Variants in PPARGC1B observed in about 807,000 individuals in gnomAD.
The protein encoded by PPARGC1B is peroxisome proliferator-activated receptor gamma coactivator 1-beta.
Under a neutral mutation model 101.6 loss-of-function variants are expected in PPARGC1B, and 34 were observed. The observed-to-expected ratio is 0.33, with a 90% CI of 0.25 to 0.45. PPARGC1B has a LOEUF of 0.45. Ranked by LOEUF, PPARGC1B falls within the 20% of genes least tolerant of loss-of-function variation. The probability of loss-of-function intolerance (pLI) is 1.00; values close to 1 mark genes in which losing one functional copy is unlikely to be tolerated. For missense variants in PPARGC1B, 1,234 were observed against 1,317.6 expected, an observed-to-expected ratio of 0.94 and a Z score of 0.98; for synonymous variants, 548 against 539.3, an observed-to-expected ratio of 1.02 and a Z score of -0.22.
chr5:149,759,756 G>A (rs959848980), intron 1 of PPARGC1B, among the ~76,000 whole-genome samples: 2 of 152,212 alleles, frequency 1.3e-5, no homozygotes, highest in Non-Finnish European at 2.9e-5. Flanking sequence ...GCATGGGGCA[G>A]CTGCAAGGCT....
At position 149,826,740 on chromosome 5, in the gene PPARGC1B, A is replaced by C; in HGVS notation, c.320A>C (p.Asp107Ala). 1 of 1,614,042 alleles carries C rather than the reference A, an allele frequency of 6.2e-7. No homozygotes were observed. ...TKTLDDIPED[D>A]VGLAAFPALD... is the part of the protein sequence containing the mutation. ...ACCCTGGATGACATCCCTGAAGATG[A>C]CGTGGGTCTGGCTGCCTTCCCAGCC... Residue 107 changes from aspartate to alanine, a missense_variant, in exon 3 of 12, where the codon GAC (aspartate) becomes GCC (alanine). This residue lies in a region of PPARGC1B where 734 missense variants were observed against 768.4 expected (regional missense o/e 0.96). Coordinates refer to ENST00000309241, the MANE Select transcript of PPARGC1B (RefSeq NM_133263.4).
At chr5:149,734,230 G>A (rs1397407527) in intron 1 of PPARGC1B, among the ~76,000 whole-genome samples, 2 of 149,778 alleles carry the variant, frequency 1.3e-5, no homozygotes, top group African/African-American at 2.5e-5. Context: ...GCTGAGGCAG[G>A]AGAATCGCTT....
At chr5:149,820,739 G>T in intron 2 of PPARGC1B, 133 bp downstream of exon 2, 4 of 918,872 alleles carry the variant, frequency 4.4e-6, no homozygotes, top group Non-Finnish European at 6.4e-6. Flanking sequence ...AAAGCTGTTG[G>T]GCCCCGGTTT....
chr5:149,807,895 G>A (rs889910871), intron 1 of PPARGC1B, among the ~76,000 whole-genome samples: 1 of 151,986 alleles, frequency 6.6e-6, no homozygotes, highest in African/African-American at 2.4e-5. Flanking sequence ...ATCTAATCCC[G>A]CCCAGGTGAG....
chr5:149,734,859 C>T (rs1263087355), intron 1 of PPARGC1B, among the ~76,000 whole-genome samples: 1 of 152,158 alleles, frequency 6.6e-6, no homozygotes, highest in African/African-American at 2.4e-5. Flanking sequence ...TAAACTTCTT[C>T]CCCATATGAT....
intron 1 of PPARGC1B, among the ~76,000 whole-genome samples, chr5:149,752,994 A>G (rs1485062061): frequency 6.6e-6 from 1 of 152,186 alleles, no homozygotes; most frequent in Non-Finnish European, 1.5e-5. Flanking sequence ...AACCATACAA[A>G]CATCGCATAT....
chr5:149,846,469 A>G (rs1486107473), intron 11 of PPARGC1B: 1 of 156,504 alleles, frequency 6.4e-6, no homozygotes, highest in Non-Finnish European at 1.4e-5. Flanking sequence ...TCCTGTCTCT[A>G]CAAAAAATAT....
intron 7 of PPARGC1B, among the ~76,000 whole-genome samples, chr5:149,835,964 T>G (rs913678069): frequency 6.6e-6 from 1 of 150,916 alleles, no homozygotes; most frequent in Non-Finnish European, 1.5e-5. Flanking sequence ...TTTTCTTTTT[T>G]TTTTTTTTTT....
chr5:149,796,157 G>A (rs1024866420), intron 1 of PPARGC1B, among the ~76,000 whole-genome samples: 5 of 152,306 alleles, frequency 3.3e-5, no homozygotes, highest in Admixed American at 3.3e-4. Context: ...ACACAGCCAT[G>A]CGATGGAGAG....
chr5:149,845,395 T>C (rs568469973), intron 10 of PPARGC1B, among the ~76,000 whole-genome samples: 35 of 152,210 alleles, frequency 2.3e-4, no homozygotes, highest in Non-Finnish European at 4.4e-4. Context: ...AGCTTTAATG[T>C]CAGAGGCCTG....
At chr5:149,734,599 CTT>C (rs1754629518) in intron 1 of PPARGC1B, among the ~76,000 whole-genome samples, 1 of 152,010 alleles carries the variant, frequency 6.6e-6, no homozygotes, top group Non-Finnish European at 1.5e-5. Flanking sequence ...AAACGAATAT[CTT>C]TTTATGTATG....
At chr5:149,785,319 C>T (rs1421848215) in intron 1 of PPARGC1B, among the ~76,000 whole-genome samples, 1 of 152,214 alleles carries the variant, frequency 6.6e-6, no homozygotes, top group Non-Finnish European at 1.5e-5. Context: ...AGGTTAGAAT[C>T]TTGCTTTTGT....
chr5:149,844,315 TA>T (rs1169534356), intron 10 of PPARGC1B, among the ~76,000 whole-genome samples: 2 of 152,130 alleles, frequency 1.3e-5, no homozygotes, highest in Non-Finnish European at 2.9e-5. Context: ...ACAGGATCTT[TA>T]AAAAAGAGTC....
chr5:149,733,632 G>A (rs1580990886), intron 1 of PPARGC1B, among the ~76,000 whole-genome samples: 1 of 152,186 alleles, frequency 6.6e-6, no homozygotes, highest in Non-Finnish European at 1.5e-5. Context: ...ACAGACAGGG[G>A]TGCAGCTGGG....
chr5:149,745,914 G>T (rs967563357), intron 1 of PPARGC1B, among the ~76,000 whole-genome samples: 7 of 152,174 alleles, frequency 4.6e-5, no homozygotes, highest in Non-Finnish European at 1.0e-4. Flanking sequence ...GAAGAGAGGA[G>T]GAAGAAGGCA....
At chr5:149,732,416 C>A (rs1057277441) in intron 1 of PPARGC1B, among the ~76,000 whole-genome samples, 1 of 152,214 alleles carries the variant, frequency 6.6e-6, no homozygotes, top group African/African-American at 2.4e-5. Flanking sequence ...GGACTGTACC[C>A]CGGATTTTAA....
intron 1 of PPARGC1B, among the ~76,000 whole-genome samples, chr5:149,746,428 A>G (rs1282337150): frequency 6.6e-6 from 1 of 152,220 alleles, no homozygotes; most frequent in African/African-American, 2.4e-5. Context: ...GGCAAATGTC[A>G]GGATTTCCTT....
rs35687935 is a variant in PPARGC1B, at chr5:149,791,291, CAA to C, written c.79-29128_79-29127del. Among the ~76,000 whole-genome samples the C allele has an allele frequency of 2.3e-3, 308 of 135,554 alleles. 3 individuals carry two copies. The highest frequency in any genetic ancestry group is 0.016 in the South Asian group (66 of 4,120). The allele number at this position is 135,554 out of a possible 152,430, so 88.9% of individuals were successfully genotyped here. A position where few individuals can be genotyped will look rare whatever the true frequency, so the allele number is the denominator to read the frequency against. On this transcript the variant is annotated intron_variant, in intron 1 of 11. Transcript: ENST00000309241. The stretch of plus-strand genomic sequence containing the variant: ...TGGGTGACAGAGAGAGACTCCATCT[CAA>C]AAAAAAAAAAAAATTTCTATTAAAA...
chr5:149,787,131 A>G (rs1017926977), intron 1 of PPARGC1B, among the ~76,000 whole-genome samples: 26 of 152,246 alleles, frequency 1.7e-4, no homozygotes, highest in Non-Finnish European at 3.5e-4. Context: ...AGGGTTTCCC[A>G]TGGATCAGCT....
Sources: allele counts gnomAD v4.1 joint callset (sites outside exome capture counted in the v4.1 genomes callset), GRCh38; gene constraint gnomAD v4.1.1; regional missense constraint gnomAD v4.1.1; transcripts MANE v1.5; gene names NCBI Gene and HGNC (gene_info 2026-07-23, HGNC 2026-07-21).